Variants in PTPRN2 observed in about 807,000 individuals in gnomAD.
The protein encoded by PTPRN2 is receptor-type tyrosine-protein phosphatase N2.
Under a neutral mutation model 118.8 loss-of-function variants are expected in PTPRN2, and 74 were observed. The ratio of observed to expected loss-of-function variants is 0.62; its 90% confidence interval spans 0.52 to 0.76. The LOEUF is 0.76. Among genes scored for constraint, PTPRN2 ranks in the 30% least tolerant of loss-of-function variants. The probability of loss-of-function intolerance (pLI) is 0.00; values close to 1 mark genes in which losing one functional copy is unlikely to be tolerated. For missense variants in PTPRN2, 1,481 were observed against 1,394.4 expected (o/e 1.06, Z -0.99); for synonymous variants, 641 against 608.0 (o/e 1.05, Z -0.80).
At chr7:158,000,611 G>A (rs2128858342) in intron 11 of PTPRN2, among the ~76,000 whole-genome samples, 1 of 144,640 alleles carries the variant, frequency 6.9e-6, no homozygotes, top group Non-Finnish European at 1.5e-5. Context: ...GTGGGGAGCA[G>A]GGTGGGGCTG....
chr7:158,032,506 G>C (rs1374003913), intron 11 of PTPRN2, among the ~76,000 whole-genome samples: 1 of 152,170 alleles, frequency 6.6e-6, no homozygotes, highest in African/African-American at 2.4e-5. Context: ...CCGCCTGAGA[G>C]ACAGATGCCA....
intron 6 of PTPRN2, among the ~76,000 whole-genome samples, chr7:158,141,528 G>A (rs192239384): frequency 3.3e-5 from 5 of 152,352 alleles, no homozygotes; most frequent in African/African-American, 1.2e-4. Context: ...CCTGTGGTGG[G>A]TTCTTTGAGT....
chr7:157,968,973 C>T (rs1278434022), intron 11 of PTPRN2, among the ~76,000 whole-genome samples: 1 of 152,212 alleles, frequency 6.6e-6, no homozygotes, highest in African/African-American at 2.4e-5. Context: ...AAGAGACCTC[C>T]TTGTCCAGGT....
chr7:157,795,714 G>A (rs150409828), intron 12 of PTPRN2, among the ~76,000 whole-genome samples: 28 of 152,354 alleles, frequency 1.8e-4, no homozygotes, highest in African/African-American at 6.7e-4. Flanking sequence ...GAAAGTGCTT[G>A]TGCTCATCCC....
At chr7:157,875,403 A>G (rs1046327073) in intron 12 of PTPRN2, among the ~76,000 whole-genome samples, 5 of 152,166 alleles carry the variant, frequency 3.3e-5, no homozygotes, top group Non-Finnish European at 7.3e-5. Flanking sequence ...GCAGTTTCTG[A>G]TAACCTTGCT....
At chr7:157,626,980 A>G (rs1009633570) in intron 14 of PTPRN2, among the ~76,000 whole-genome samples, 4 of 152,226 alleles carry the variant, frequency 2.6e-5, no homozygotes, top group Non-Finnish European at 5.9e-5. Flanking sequence ...GTGTTCCTGT[A>G]ACAACCTGAA....
At chr7:158,187,394 A>G (rs953154100) in intron 5 of PTPRN2, among the ~76,000 whole-genome samples, 28 of 152,362 alleles carry the variant, frequency 1.8e-4, no homozygotes, top group Non-Finnish European at 4.1e-4. Flanking sequence ...TCGTCAGTAT[A>G]TAAAGCTTAA....
chr7:157,814,200 C>A, intron 12 of PTPRN2, among the ~76,000 whole-genome samples: 1 of 152,226 alleles, frequency 6.6e-6, no homozygotes, highest in South Asian at 2.1e-4. Flanking sequence ...GGCGAGGAAG[C>A]CCCTGCTGAC....
intron 13 of PTPRN2, among the ~76,000 whole-genome samples, chr7:157,658,942 C>T (rs1289646642): frequency 6.6e-6 from 1 of 152,120 alleles, no homozygotes; most frequent in Non-Finnish European, 1.5e-5. Context: ...CGTCAAAGGC[C>T]TTGCACTCCC....
intron 13 of PTPRN2, among the ~76,000 whole-genome samples, chr7:157,658,645 C>T (rs1415866140): frequency 6.6e-6 from 1 of 152,154 alleles, no homozygotes; most frequent in African/African-American, 2.4e-5. Context: ...AGCCTGGGTG[C>T]CCCCCTGACG....
At chr7:157,978,572 C>T (rs779012376) in intron 11 of PTPRN2, among the ~76,000 whole-genome samples, 5 of 151,986 alleles carry the variant, frequency 3.3e-5, no homozygotes, top group Non-Finnish European at 5.9e-5. Flanking sequence ...TTAATGCTGG[C>T]ATCTTTAACA....
At chr7:158,252,703 G>A (rs993300030) in intron 3 of PTPRN2, among the ~76,000 whole-genome samples, 2 of 152,158 alleles carry the variant, frequency 1.3e-5, no homozygotes, top group Middle Eastern at 3.2e-3. Flanking sequence ...CCAAGGAGGA[G>A]GCTGACAGCC....
intron 12 of PTPRN2, among the ~76,000 whole-genome samples, chr7:157,892,128 G>A (rs1223374072): frequency 6.6e-6 from 1 of 151,870 alleles, no homozygotes; most frequent in Non-Finnish European, 1.5e-5. Flanking sequence ...AAGCTAGAAC[G>A]CTGGGCAGGG....
intron 3 of PTPRN2, among the ~76,000 whole-genome samples, chr7:158,311,079 A>T (rs1351834072): frequency 6.6e-6 from 1 of 152,168 alleles, no homozygotes; most frequent in Non-Finnish European, 1.5e-5. Context: ...GTAAAACAAG[A>T]CAGGCGAGCA....
chr7:158,309,087 C>CA (rs796936066), intron 3 of PTPRN2, among the ~76,000 whole-genome samples: 8 of 151,722 alleles, frequency 5.3e-5, no homozygotes, highest in East Asian at 1.9e-4. Context: ...CACAGTCTTC[C>CA]AAAAAAAATA....
chr7:158,158,194 A>T (rs1822006584), intron 6 of PTPRN2, among the ~76,000 whole-genome samples: 1 of 152,222 alleles, frequency 6.6e-6, no homozygotes, highest in South Asian at 2.1e-4. Flanking sequence ...AATGACCCCA[A>T]AAGTGTGGGC....
At chr7:158,325,214 G>A (rs921651072) in intron 2 of PTPRN2, among the ~76,000 whole-genome samples, 2 of 151,192 alleles carry the variant, frequency 1.3e-5, no homozygotes, top group South Asian at 2.1e-4. Flanking sequence ...CCCCAGCCAG[G>A]AGCATCTTCC....
chr7:158,350,989 G>T (rs971072319), intron 2 of PTPRN2, among the ~76,000 whole-genome samples: 2 of 152,128 alleles, frequency 1.3e-5, no homozygotes, highest in African/African-American at 4.8e-5. Flanking sequence ...TGCCAGTTCC[G>T]TCAACTGCCT....
At chr7:158,281,284 G>A (rs528655965) in intron 3 of PTPRN2, among the ~76,000 whole-genome samples, 15 of 152,296 alleles carry the variant, frequency 9.8e-5, no homozygotes, top group African/African-American at 2.9e-4. Flanking sequence ...GCAAGACTCC[G>A]TCTCAAAAAA....
Sources: gnomAD v4.1 joint callset for allele counts (sites outside exome capture counted in the v4.1 genomes callset) on GRCh38, gnomAD v4.1.1 for gene constraint, MANE v1.5 for transcripts, NCBI Gene and HGNC (gene_info 2026-07-23, HGNC 2026-07-21) for gene names.